CHMP4B: variants seen among roughly 807,000 people sequenced by gnomAD.
CHMP4B encodes SNF7 homolog associated with Alix 1.
Under a neutral mutation model 25.1 loss-of-function variants are expected in CHMP4B, and 1 was observed. The ratio of observed to expected loss-of-function variants is 0.04; its 90% CI spans 0.01 to 0.19. CHMP4B has a LOEUF of 0.19. CHMP4B is among the 10% of genes least tolerant of loss of function. The pLI is 1.00. For synonymous variants in CHMP4B, 101 were observed against 115.6 expected (o/e 0.87, Z 0.81); for missense variants, 151 against 289.7 (o/e 0.52, Z 3.48).
chr20:33,851,630 T>G (rs1979852454), intron 3 of CHMP4B, among the ~76,000 whole-genome samples: 1 of 152,162 alleles, frequency 6.6e-6, no homozygotes, highest in South Asian at 2.1e-4. Context: ...TGGACCTTTG[T>G]GCTTTCTGAC....
chr20:33,814,233 C>CACT (rs1978720728), intron 1 of CHMP4B, among the ~76,000 whole-genome samples: 1 of 152,142 alleles, frequency 6.6e-6, no homozygotes, highest in African/African-American at 2.4e-5. Flanking sequence ...GGGAGGTGAA[C>CACT]ACTACCACAT....
At chr20:33,848,742 C>G (rs1205849507) in intron 2 of CHMP4B, 98 bp downstream of exon 2, 1 of 1,264,538 alleles carries the variant, frequency 7.9e-7, no homozygotes. Context: ...CTTGACTTAC[C>G]TATTCGAGCA....
chr20:33,848,427 T>C, intron 1 of CHMP4B, 40 bp from the exon 2 acceptor site: 1 of 1,609,456 alleles, frequency 6.2e-7, no homozygotes, highest in Non-Finnish European at 8.5e-7. Flanking sequence ...CCTCACCCTG[T>C]GCCGGGACTC....
In CHMP4B at chr20:33,853,561, T is replaced by TG; in HGVS notation, c.*5dup. ...GGAGAACTGGGCTGGATCCATGTAA[T>TG]GGGGTCCAGCGCTGGCTGGGCCCAG... On this transcript the variant is annotated 3_prime_UTR_variant, in exon 5 of 5. Coordinates refer to ENST00000217402, the MANE Select transcript of CHMP4B (RefSeq NM_176812.5). The TG allele has an allele frequency of 6.2e-7, 1 of 1,613,298 alleles. No homozygotes were observed. The highest frequency in any genetic ancestry group is 8.5e-7 in the Non-Finnish European group (1 of 1,179,540).
chr20:33,827,552 G>A (rs1413455071), intron 1 of CHMP4B, among the ~76,000 whole-genome samples: 1 of 152,226 alleles, frequency 6.6e-6, no homozygotes, highest in Non-Finnish European at 1.5e-5. Context: ...GGCCAGAACT[G>A]AATAATGGTT....
chr20:33,811,404 C>G lies in CHMP4B; in HGVS notation c.-65C>G, dbSNP rs1978601538. The G allele has an allele frequency of 7.6e-7, 1 of 1,311,434 alleles. No homozygotes were observed. The highest frequency in any genetic ancestry group is 3.2e-5 in the East Asian group (1 of 31,390). 81.2% of individuals were successfully genotyped at this position (1,311,434 alleles called of 1,614,324 possible). On this transcript the variant is annotated 5_prime_UTR_variant, in exon 1 of 5. Coordinates refer to ENST00000217402, the MANE Select transcript of CHMP4B (RefSeq NM_176812.5). ...ACTGGGAGCGGGCGCCGGAGCCGAC[C>G]CGAGCCGAGCCGAGCCGAGCCGAGC...
chr20:33,822,677 G>A (rs1978974954), intron 1 of CHMP4B, among the ~76,000 whole-genome samples: 1 of 152,240 alleles, frequency 6.6e-6, no homozygotes, highest in African/African-American at 2.4e-5. Context: ...TGACAGGGCT[G>A]CAGGGCTCAC....
chr20:33,836,880 T>C (rs1979406205), intron 1 of CHMP4B, among the ~76,000 whole-genome samples: 2 of 152,186 alleles, frequency 1.3e-5, no homozygotes, highest in South Asian at 4.1e-4. Flanking sequence ...CAAAAACTGT[T>C]AATTCATTTC....
chr20:33,843,446 T>C (rs1273838322), intron 1 of CHMP4B, among the ~76,000 whole-genome samples: 1 of 152,264 alleles, frequency 6.6e-6, no homozygotes, highest in Non-Finnish European at 1.5e-5. Context: ...GGGGGTTCTC[T>C]GGCAGAAGAT....
intron 1 of CHMP4B, among the ~76,000 whole-genome samples, chr20:33,833,477 C>T (rs189224204): frequency 3.5e-4 from 53 of 152,282 alleles, no homozygotes; most frequent in African/African-American, 1.3e-3. Context: ...AATCCACACC[C>T]TCTGGATTAT....
rs79350629 is a variant in CHMP4B at position 33,833,694 on chromosome 20, T to G, written c.191-14773T>G. Reference sequence around the variant, plus strand: ...TATCTTTCCTTGTTCCCTCCCCTATTTTCTCATGCCTCTCTTTTCCTGCTG... The same window carrying G: ...TATCTTTCCTTGTTCCCTCCCCTATGTTCTCATGCCTCTCTTTTCCTGCTG... On this transcript the variant is annotated intron_variant, in intron 1 of 4. Coordinates refer to ENST00000217402, the MANE Select transcript of CHMP4B (RefSeq NM_176812.5). Among the ~76,000 whole-genome samples the G allele has an allele frequency of 7.6e-3, 1,161 of 152,330 alleles. 13 individuals carry two copies. Among genetic ancestry groups the G allele is most frequent in the African/African-American group, 0.027 (1,107 of 41,564 alleles).
chr20:33,820,158 A>G (rs1020522569), intron 1 of CHMP4B, among the ~76,000 whole-genome samples: 2 of 152,118 alleles, frequency 1.3e-5, no homozygotes, highest in Non-Finnish European at 2.9e-5. Context: ...AGCCTGGGCA[A>G]CAGAGCGAGA....
chr20:33,837,418 T>C (rs1314827579), intron 1 of CHMP4B, among the ~76,000 whole-genome samples: 1 of 151,554 alleles, frequency 6.6e-6, no homozygotes, highest in South Asian at 2.1e-4. Flanking sequence ...CCATTAGGAA[T>C]TGAGAAGAGG....
intron 1 of CHMP4B, among the ~76,000 whole-genome samples, chr20:33,842,428 TCTC>T (rs1979569362): frequency 6.6e-6 from 1 of 152,168 alleles, no homozygotes; most frequent in Non-Finnish European, 1.5e-5. Context: ...CAGGCATAGT[TCTC>T]CTGGCTAAGG....
At chr20:33,822,386 C>A (rs1299183880) in intron 1 of CHMP4B, among the ~76,000 whole-genome samples, 1 of 152,186 alleles carries the variant, frequency 6.6e-6, no homozygotes, top group African/African-American at 2.4e-5. Context: ...CTCAGGTGAT[C>A]CACCTGCCTC....
chr20:33,852,293 T>C (rs1413304859), intron 4 of CHMP4B, 90 bp downstream of exon 4: 2 of 1,500,308 alleles, frequency 1.3e-6, no homozygotes, highest in Admixed American at 1.7e-5. Flanking sequence ...CGGTTGGCTT[T>C]GGTTTGTGGT....
intron 1 of CHMP4B, among the ~76,000 whole-genome samples, chr20:33,817,454 G>C (rs371813578): frequency 6.6e-6 from 1 of 152,206 alleles, no homozygotes; most frequent in Non-Finnish European, 1.5e-5. Context: ...TTAACTAAAC[G>C]TGAAGACCTG....
intron 3 of CHMP4B, 70 bp downstream of exon 3, chr20:33,851,136 T>G: frequency 1.0e-6 from 1 of 986,862 alleles, no homozygotes; most frequent in Non-Finnish European, 1.6e-6. Flanking sequence ...GATGTGCTCT[T>G]GAAGGCTCTC....
At chr20:33,818,379 C>G (rs567209058) in intron 1 of CHMP4B, among the ~76,000 whole-genome samples, 2 of 152,366 alleles carry the variant, frequency 1.3e-5, no homozygotes, top group East Asian at 3.9e-4. Flanking sequence ...CACCCAGCCA[C>G]CCATCCAATG....
Sources: allele counts gnomAD v4.1 joint callset (sites outside exome capture counted in the v4.1 genomes callset), GRCh38; gene constraint gnomAD v4.1.1; transcripts MANE v1.5; gene names NCBI Gene and HGNC (gene_info 2026-07-23, HGNC 2026-07-21).